The following ZNF43 variants were observed in gnomAD, a reference collection of about 807,000 sequenced individuals.
ZNF43 encodes zinc finger protein 39-like 1 (KOX 27).
A neutral mutation model predicts 68.4 loss-of-function variants in ZNF43; 44 were observed. The observed-to-expected ratio is 0.64, with a 90% CI of 0.51 to 0.83. The LOEUF (loss-of-function observed/expected upper bound fraction) is 0.83. ZNF43 is among the 40% of genes least tolerant of loss of function. The probability of loss-of-function intolerance (pLI) is 0.00; values close to 1 mark genes in which losing one functional copy is unlikely to be tolerated. For synonymous variants in ZNF43, 308 were observed against 307.8 expected, an observed-to-expected ratio of 1.00 and a Z score of -0.01; for missense variants, 896 against 933.2, an observed-to-expected ratio of 0.96 and a Z score of 0.52.
At chr19:21,846,647 G>A (rs144052001) in intron 1 of ZNF43, among the ~76,000 whole-genome samples, 124 of 152,210 alleles carry the variant, frequency 8.1e-4, no homozygotes, top group African/African-American at 2.9e-3. Flanking sequence ...CTTTGATGCT[G>A]GGTTCACCAA....
intron 1 of ZNF43, among the ~76,000 whole-genome samples, chr19:21,842,928 A>G (rs1247589559): frequency 6.8e-6 from 1 of 147,458 alleles, no homozygotes; most frequent in South Asian, 2.2e-4. Flanking sequence ...GAAGAGTGAG[A>G]TCATGTAGGT....
chr19:21,835,249 C>CAAAAAAAAAAAAAAAAAA (rs377486360), intron 1 of ZNF43, among the ~76,000 whole-genome samples: 1 of 82,562 alleles, frequency 1.2e-5, no homozygotes, highest in Non-Finnish European at 2.5e-5. Flanking sequence ...AAGTCCATCT[C>CAAAAAAAAAAAAAAAAAA]AAAAAAAAAA....
rs1041839753 is a variant in ZNF43 at position 21,809,230 on chromosome 19, C to G, written c.807G>C (p.Lys269Asn). The change falls in exon 4 of 4, where the codon AAG (lysine) becomes AAC (asparagine). Residue 269 changes from lysine to asparagine, a missense_variant. Coordinates refer to ENST00000354959, the MANE Select transcript of ZNF43 (RefSeq NM_003423.4). The stretch of plus-strand genomic sequence containing the variant: ...TCTTATGGGTAGTAAGGATTGAGGA[C>G]TTGTTAAAAGCTTTGCCACATTCTT... ...KCEECGKAFN[K>N]SSILTTHKII... The G allele has an allele frequency of 1.9e-6, 3 of 1,612,670 alleles. No individual in the cohort carries two copies. Among genetic ancestry groups the G allele is most frequent in the East Asian group, 2.2e-5 (1 of 44,838 alleles).
At chr19:21,849,953 G>C (rs752865155) in intron 1 of ZNF43, 3 of 152,156 alleles carry the variant, frequency 2.0e-5, no homozygotes, top group Non-Finnish European at 2.9e-5. Flanking sequence ...CGTGCGTTTT[G>C]GGTCAGGAAT....
chr19:21,842,146 C>T (rs948478469), intron 1 of ZNF43, among the ~76,000 whole-genome samples: 21 of 152,072 alleles, frequency 1.4e-4, no homozygotes, highest in African/African-American at 5.1e-4. Context: ...CATGGTGGCT[C>T]ACACCTGTAA....
chr19:21,816,037 G>A (rs1002877843), intron 3 of ZNF43, among the ~76,000 whole-genome samples: 1 of 151,292 alleles, frequency 6.6e-6, no homozygotes. Context: ...CTCCAGCCTG[G>A]GCAACAGAGC....
chr19:21,806,169 C>CTTTTTTTTTTTTTTTTTTTT lies in ZNF43; in HGVS notation c.*1437_*1438insAAAAAAAAAAAAAAAAAAAA, dbSNP rs74174041. On this transcript the variant is annotated 3_prime_UTR_variant, in exon 4 of 4. Transcript: ENST00000354959. ...CTCCAGTTACATTTTCATCACGCAT[C>CTTTTTTTTTTTTTTTTTTTT]TTTTTTTTTTTTTTTTTTCTTTTTG... 11 of 126,122 alleles carry CTTTTTTTTTTTTTTTTTTTT rather than the reference C, an allele frequency of 8.7e-5. No individual in the cohort carries two copies. The highest frequency in any genetic ancestry group is 1.6e-4 in the Non-Finnish European group (9 of 57,922). The allele number at this position is 126,122 out of a possible 1,614,324, so 7.8% of individuals were successfully genotyped here.
At chr19:21,822,426 GAAC>G (rs1292504736) in intron 1 of ZNF43, among the ~76,000 whole-genome samples, 4 of 152,188 alleles carry the variant, frequency 2.6e-5, no homozygotes, top group African/African-American at 9.7e-5. Flanking sequence ...ATTATAAACA[GAAC>G]AATAAGCAGG....
chr19:21,824,555 C>T (rs1018917173), intron 1 of ZNF43, among the ~76,000 whole-genome samples: 2 of 152,000 alleles, frequency 1.3e-5, no homozygotes, highest in Non-Finnish European at 2.9e-5. Flanking sequence ...TCTGTACATT[C>T]TCAATCCAAA....
At position 21,808,499 on chromosome 19, in the gene ZNF43, T is replaced by G. The variant is rs1417854314; in HGVS notation, c.1538A>C (p.Glu513Ala). 4 of 1,613,442 alleles carry G rather than the reference T, an allele frequency of 2.5e-6. No homozygotes were observed. The Admixed American group carries it at 6.7e-5, about 27-fold the overall frequency. The part of the protein sequence containing the change: ...IHIEKKPYKC[E>A]ECGKAFKWSS... ...CCACTTAAAAGCTTTGCCACATTCTTCACATTTGTAGGGTTTCTTTTCAAT... is the reference window on the plus strand; with the variant it reads ...CCACTTAAAAGCTTTGCCACATTCTGCACATTTGTAGGGTTTCTTTTCAAT... Residue 513 changes from glutamate to alanine, a missense_variant, in exon 4 of 4, where the codon GAA becomes GCA. Coordinates refer to ENST00000354959, the MANE Select transcript of ZNF43 (RefSeq NM_003423.4).
rs997894664 is a variant in ZNF43, at chr19:21,826,840, A to G, written c.4-7619T>C. 21 of 151,950 alleles carry G rather than the reference A, an allele frequency of 1.4e-4. 1 individual carries two copies. The highest frequency in any genetic ancestry group is 5.1e-4 in the African/African-American group (21 of 41,310). 9.4% of individuals were successfully genotyped at this position (151,950 alleles called of 1,614,324 possible). ...ACAGAGTGAGACTCTTTGTCTCCAA[A>G]AAAAAAAAACTGTTGGGTTTTCAGC... On this transcript the variant is annotated intron_variant, in intron 1 of 3. Coordinates refer to ENST00000354959, the MANE Select transcript of ZNF43 (RefSeq NM_003423.4).
At chr19:21,810,095 CCAACATAACAT>C (rs1360676524) in intron 3 of ZNF43, among the ~76,000 whole-genome samples, 71 of 152,274 alleles carry the variant, frequency 4.7e-4, no homozygotes, top group African/African-American at 1.7e-3. Flanking sequence ...TTTCTGCTCT[CCAACATAACAT>C]AGTGCCTTTA....
chr19:21,835,350 G>T (rs2038658843), intron 1 of ZNF43, among the ~76,000 whole-genome samples: 1 of 140,160 alleles, frequency 7.1e-6, no homozygotes. Flanking sequence ...GGAAAATCTA[G>T]TTTAGTTTTT....
intron 3 of ZNF43, chr19:21,812,198 C>T: frequency 1.4e-5 from 5 of 360,432 alleles, no homozygotes. Context: ...GCGTTCTCAG[C>T]TCACTGCACA....
chr19:21,833,421 C>A (rs937651232), intron 1 of ZNF43, among the ~76,000 whole-genome samples: 5 of 152,066 alleles, frequency 3.3e-5, no homozygotes, highest in Non-Finnish European at 5.9e-5. Flanking sequence ...GCGCCTGCCC[C>A]TGCACCCAGC....
Position 21,819,231 on chromosome 19 carries a change from AC to A in ZNF43, c.4-11del, listed in dbSNP as rs1454953069. 4 of 1,585,516 alleles carry A rather than the reference AC, an allele frequency of 2.5e-6. No individual in the cohort carries two copies. The South Asian group carries it at 3.5e-5, about 14-fold the overall frequency. ...TAAATGTCAATGGTCCCTAAAAAAAACAACACATACACACACAAACACACAC... is the reference window on the plus strand; with the variant it reads ...TAAATGTCAATGGTCCCTAAAAAAAAAACACATACACACACAAACACACAC... On this transcript the variant is annotated splice_polypyrimidine_tract_variant and intron_variant, in intron 1 of 3. Coordinates refer to ENST00000354959, the MANE Select transcript of ZNF43 (RefSeq NM_003423.4).
intron 3 of ZNF43, among the ~76,000 whole-genome samples, chr19:21,810,707 G>A (rs2037231562): frequency 6.7e-6 from 1 of 149,882 alleles, no homozygotes; most frequent in African/African-American, 2.4e-5. Flanking sequence ...CTAAAATTTT[G>A]GAAACAAAAG....
chr19:21,823,984 A>G (rs1432679735), intron 1 of ZNF43, among the ~76,000 whole-genome samples: 3 of 152,110 alleles, frequency 2.0e-5, no homozygotes, highest in African/African-American at 4.8e-5. Flanking sequence ...GATCAAGACC[A>G]TCCTGGCTAA....
chr19:21,842,045 C>T (rs1967572104), intron 1 of ZNF43, among the ~76,000 whole-genome samples: 1 of 152,090 alleles, frequency 6.6e-6, no homozygotes, highest in Admixed American at 6.5e-5. Flanking sequence ...AGTGACGTGA[C>T]TCTCCTTTTC....
Sources: gnomAD v4.1 joint callset for allele counts (sites outside exome capture counted in the v4.1 genomes callset) on GRCh38, gnomAD v4.1.1 for gene constraint, MANE v1.5 for transcripts, NCBI Gene and HGNC (gene_info 2026-07-23, HGNC 2026-07-21) for gene names.